SCNN1A: variants seen among roughly 807,000 people sequenced by gnomAD.
The protein encoded by SCNN1A is epithelial sodium channel subunit alpha.
In SCNN1A, 65 loss-of-function variants were observed where a neutral mutation model predicts 68.6. The observed-to-expected ratio is 0.95, with a 90% CI of 0.78 to 1.16. SCNN1A has a LOEUF of 1.16. SCNN1A is among the 50% of genes most tolerant of loss of function. The pLI is 0.00. For missense variants in SCNN1A, 880 were observed against 865.9 expected (o/e 1.02, Z -0.20); for synonymous variants, 357 against 353.3 (o/e 1.01, Z -0.12).
At chr12:6,375,615 G>T (rs963164835), upstream of SCNN1A, 1 of 821,734 alleles carries the variant, frequency 1.2e-6, no homozygotes, top group Non-Finnish European at 1.9e-6. Flanking sequence ...CGGGGGGAGG[G>T]GCTGAGGAGG....
At chr12:6,377,345 C>T, upstream of SCNN1A, 1 of 1,329,908 alleles carries the variant, frequency 7.5e-7, no homozygotes, top group Non-Finnish European at 1.0e-6. Context: ...AAGGATAAAT[C>T]AGTTTTCTGA....
chr12:6,349,784 T>G, intron 8 of SCNN1A: 2 of 227,646 alleles, frequency 8.8e-6, no homozygotes, highest in South Asian at 1.1e-4. Context: ...TAGAGTGCAG[T>G]GGCGCAATCT....
intron 4 of SCNN1A, 45 bp from the exon 5 acceptor site, chr12:6,355,925 G>A (rs1462190073): frequency 8.3e-7 from 1 of 1,210,262 alleles, no homozygotes; most frequent in Non-Finnish European, 1.2e-6. Context: ...AAGTGTAGGT[G>A]GTGCAGGGAA....
At chr12:6,356,960 T>C (rs1948507747) in intron 4 of SCNN1A, among the ~76,000 whole-genome samples, 1 of 152,132 alleles carries the variant, frequency 6.6e-6, no homozygotes, top group Non-Finnish European at 1.5e-5. Flanking sequence ...CTGTAAAATG[T>C]AGGATGATTC....
rs1948851222 is a variant in SCNN1A at position 6,374,177 on chromosome 12, C to T, written c.416+191G>A. On this transcript the variant is annotated intron_variant, in intron 2 of 12. Transcript: ENST00000228916. The surrounding 1 kb of genome is among the most constrained non-coding windows in gnomAD (Gnocchi z 6.2). ...GGGTGAGCCTGGGGTGCTAGGATGG[C>T]TCCACTGGGCAGGGACGCCAGTCCA... Among the ~76,000 whole-genome samples the T allele has an allele frequency of 6.6e-6, 1 of 152,188 alleles. No homozygotes were observed.
intron 2 of SCNN1A, among the ~76,000 whole-genome samples, chr12:6,369,847 A>AG (rs1345953127): frequency 6.6e-6 from 1 of 151,922 alleles, no homozygotes; most frequent in Admixed American, 6.6e-5. Context: ...AAAAAAAAAA[A>AG]AAAAAAAATC....
intron 2 of SCNN1A, among the ~76,000 whole-genome samples, chr12:6,366,988 C>T (rs1948691097): frequency 6.6e-6 from 1 of 152,116 alleles, no homozygotes; most frequent in South Asian, 2.1e-4. Flanking sequence ...CCTGTAATTC[C>T]AGAATTTTGG....
At chr12:6,355,672 C>G in intron 5 of SCNN1A, 105 bp downstream of exon 5, 2 of 949,772 alleles carry the variant, frequency 2.1e-6, no homozygotes, top group Non-Finnish European at 3.5e-6. Context: ...TGGGGAGAGA[C>G]AGCAGGCAGG....
intron 2 of SCNN1A, among the ~76,000 whole-genome samples, chr12:6,370,082 T>TG (rs1336538241): frequency 6.6e-6 from 1 of 152,220 alleles, no homozygotes; most frequent in Non-Finnish European, 1.5e-5. Flanking sequence ...CCTCAGGTCA[T>TG]GCTCACTGCC....
In SCNN1A at chr12:6,349,340, G is replaced by C; in HGVS notation, c.1426C>G (p.Arg476Gly). The C allele has an allele frequency of 1.2e-6, 2 of 1,612,840 alleles. No homozygotes were observed. Among genetic ancestry groups the C allele is most frequent in the Non-Finnish European group, 1.7e-6 (2 of 1,179,392 alleles). ...SDHLGCFTKC[R>G]KPCSVTSYQL... The stretch of plus-strand genomic sequence containing the variant: ...GGGGACACTAACCTGCATGGCTTCC[G>C]GCACTTGGTGAAACAGCCCAGGTGG... The change falls in exon 9 of 13, where the codon CGG (arginine) becomes GGG (glycine). Residue 476 changes from arginine (R) to glycine (G), a missense_variant. Physicochemically the swap from Arg to Gly is moderately radical, Grantham distance 125. Coordinates refer to ENST00000228916, the MANE Select transcript of SCNN1A (RefSeq NM_001038.6).
At chr12:6,354,617 CAG>C in intron 7 of SCNN1A, 62 bp from the exon 8 acceptor site, 1 of 1,420,584 alleles carries the variant, frequency 7.0e-7, no homozygotes, top group Non-Finnish European at 1.0e-6. Flanking sequence ...GTTCTCTGCA[CAG>C]AGCCTCCATC....
chr12:6,351,614 G>T lies in SCNN1A; in HGVS notation c.1361-2209C>A. Among the ~76,000 whole-genome samples the T allele has an allele frequency of 6.6e-6, 1 of 150,430 alleles. No homozygotes were observed. Among genetic ancestry groups the T allele is most frequent in the Non-Finnish European group, 1.5e-5 (1 of 67,752 alleles). On this transcript the variant is annotated intron_variant, in intron 8 of 12. Coordinates refer to ENST00000228916, the MANE Select transcript of SCNN1A (RefSeq NM_001038.6). The surrounding 1 kb of genome is among the most constrained non-coding windows in gnomAD (Gnocchi z 4.2). ...TGCACTCCAGTCTGGGCGACAGAGG[G>T]AGATTCTGTCTCCAGAAGAAAAAAA...
chr12:6,366,432 AATGTAGGG>A, intron 2 of SCNN1A, among the ~76,000 whole-genome samples: 1 of 152,334 alleles, frequency 6.6e-6, no homozygotes, highest in Middle Eastern at 3.4e-3. Context: ...ATTAAGAAGG[AATGTAGGG>A]ATTTACAGTG....
intron 7 of SCNN1A, 66 bp from the exon 8 acceptor site, chr12:6,354,621 G>T: frequency 2.1e-6 from 3 of 1,414,672 alleles, no homozygotes; most frequent in Non-Finnish European, 3.0e-6. Flanking sequence ...TCTGCACAGA[G>T]CCTCCATCCT....
chr12:6,371,423 T>C (rs1336021947), intron 2 of SCNN1A, among the ~76,000 whole-genome samples: 1 of 151,806 alleles, frequency 6.6e-6, no homozygotes, highest in Non-Finnish European at 1.5e-5. Context: ...GCCTGATCCC[T>C]ACTTAAAGTG....
chr12:6,362,352 G>A (rs1431936669), intron 3 of SCNN1A, 111 bp from the exon 4 acceptor site: 1 of 961,684 alleles, frequency 1.0e-6, no homozygotes, highest in Non-Finnish European at 1.7e-6. Flanking sequence ...ACGGACAGGA[G>A]TCGGAAGCCA....
intron 2 of SCNN1A, among the ~76,000 whole-genome samples, chr12:6,369,265 C>G (rs562500929): frequency 6.6e-6 from 1 of 151,802 alleles, no homozygotes; most frequent in African/African-American, 2.4e-5. Flanking sequence ...CATGCTGCCA[C>G]CCTACACGCC....
Position 6,347,992 on chromosome 12 carries a change from G to A in SCNN1A, c.1891C>T (p.Pro631Ser). Residue 631 changes from proline (P) to serine (S), a missense_variant, in exon 13 of 13, where the codon CCT becomes TCT. Pro to Ser is a moderately conservative substitution (Grantham distance 74). Transcript: ENST00000228916. ...PMSLSLSQPG[P>S]APSPALTAPP... ...GCTGTCAAGGCTGGAGAGGGAGCAG[G>A]GCCTGGCTGGGACAAGGACAGAGAC... is the stretch of plus-strand genomic sequence containing the variant. 1 of 1,576,234 alleles carries A rather than the reference G, an allele frequency of 6.3e-7. No individual in the cohort carries two copies.
upstream of SCNN1A, chr12:6,377,272 C>T: frequency 1.9e-6 from 3 of 1,550,828 alleles, no homozygotes; most frequent in Non-Finnish European, 2.6e-6. Flanking sequence ...CTCATGATAC[C>T]TCCCCTTGGA....
Sources: gnomAD v4.1 joint callset for allele counts (sites outside exome capture counted in the v4.1 genomes callset) on GRCh38, gnomAD v4.1.1 for gene constraint, Gnocchi (gnomAD v3.1) non-coding constraint, MANE v1.5 for transcripts, NCBI Gene and HGNC (gene_info 2026-07-23, HGNC 2026-07-21) for gene names.